The following YTHDC1 variants were observed in gnomAD, a reference collection of about 807,000 sequenced individuals.
YTHDC1 encodes YTH domain-containing protein 1.
In YTHDC1, 12 loss-of-function variants were observed where a neutral mutation model predicts 107.0. The observed-to-expected ratio is 0.11, with a 90% confidence interval of 0.07 to 0.18. The LOEUF is 0.18. YTHDC1 is among the 10% of genes least tolerant of loss of function. The probability of loss-of-function intolerance (pLI) is 1.00; values close to 1 mark genes in which losing one functional copy is unlikely to be tolerated. For synonymous variants in YTHDC1, 280 were observed against 289.5 expected, an observed-to-expected ratio of 0.97 and a Z score of 0.33; for missense variants, 635 against 898.8, an observed-to-expected ratio of 0.71 and a Z score of 3.75.
intron 5 of YTHDC1, 21 bp downstream of exon 5, chr4:68,333,287 A>G: frequency 6.3e-7 from 1 of 1,581,046 alleles, no homozygotes; most frequent in Non-Finnish European, 8.6e-7. Flanking sequence ...CAAGTCAGAT[A>G]TGATCACAAA....
At chr4:68,345,813 A>C (rs1337310211) in intron 1 of YTHDC1, among the ~76,000 whole-genome samples, 1 of 152,092 alleles carries the variant, frequency 6.6e-6, no homozygotes, top group East Asian at 1.9e-4. Context: ...TGGCACAGTC[A>C]TCATTTTGAT....
intron 1 of YTHDC1, among the ~76,000 whole-genome samples, chr4:68,349,369 G>A (rs974510654): frequency 2.6e-5 from 4 of 152,140 alleles, no homozygotes; most frequent in Non-Finnish European, 4.4e-5. Flanking sequence ...AACAGAAATG[G>A]TTGTCCTGAA....
intron 1 of YTHDC1, among the ~76,000 whole-genome samples, chr4:68,346,536 C>T (rs941181656): frequency 4.6e-5 from 7 of 152,092 alleles, no homozygotes; most frequent in Admixed American, 2.0e-4. Context: ...TTAAATTGTG[C>T]GCTAAGTAGT....
chr4:68,342,967 CTATA>C (rs1725012931), intron 1 of YTHDC1, among the ~76,000 whole-genome samples: 1 of 152,068 alleles, frequency 6.6e-6, no homozygotes, highest in Non-Finnish European at 1.5e-5. Flanking sequence ...TATTGATATT[CTATA>C]TAGAGATATG....
intron 10 of YTHDC1, among the ~76,000 whole-genome samples, chr4:68,323,582 C>G (rs575308782): frequency 1.1e-4 from 16 of 152,022 alleles, no homozygotes; most frequent in African/African-American, 3.6e-4. Flanking sequence ...CAAAAATTAG[C>G]CACTCTCGTA....
chr4:68,311,140 T>G lies in YTHDC1; in HGVS notation c.*2959A>C, dbSNP rs1471197272. The G allele has an allele frequency of 6.6e-6, 1 of 152,168 alleles. No individual in the cohort carries two copies. Among genetic ancestry groups the G allele is most frequent in the Non-Finnish European group, 1.5e-5 (1 of 68,032 alleles). The allele number at this position is 152,168 out of a possible 1,614,324, so 9.4% of individuals were successfully genotyped here. A position where few individuals can be genotyped will look rare whatever the true frequency, so the allele number is the denominator to read the frequency against. On this transcript the variant is annotated 3_prime_UTR_variant, in exon 17 of 17. Coordinates refer to ENST00000344157, the MANE Select transcript of YTHDC1 (RefSeq NM_001031732.4). ...ACCCCATTTCCTTGGAAATACAGAT[T>G]GGATTACGGCTGGCTCCAAAACCAA...
intron 1 of YTHDC1, among the ~76,000 whole-genome samples, chr4:68,344,985 C>T (rs979352646): frequency 7.9e-5 from 12 of 152,230 alleles, no homozygotes; most frequent in East Asian, 1.9e-4. Flanking sequence ...GAGCCCTGAT[C>T]GCACTACTGC....
chr4:68,336,882 A>G lies in YTHDC1; in HGVS notation c.883+145T>C, dbSNP rs28758556. ...TATCCAAGATTATTCAAATGTATTTATAACATTCAAAAGCATATAAAGGAT... is the reference window on the plus strand; with the variant it reads ...TATCCAAGATTATTCAAATGTATTTGTAACATTCAAAAGCATATAAAGGAT... On this transcript the variant is annotated intron_variant, in intron 4 of 16. Transcript: ENST00000344157. 12 of 1,167,534 alleles carry G rather than the reference A, an allele frequency of 1.0e-5. No homozygotes were observed. The East Asian group carries it at 1.0e-4, about 10-fold the overall frequency. 72.3% of individuals were successfully genotyped at this position (1,167,534 alleles called of 1,614,324 possible).
intron 1 of YTHDC1, among the ~76,000 whole-genome samples, chr4:68,348,329 C>G (rs534681063): frequency 6.6e-6 from 1 of 152,262 alleles, no homozygotes; most frequent in East Asian, 1.9e-4. Context: ...ATCCACAGTT[C>G]ATAAATTAGA....
chr4:68,314,355 CA>C (rs777069676), intron 16 of YTHDC1, 32 bp from the exon 17 acceptor site: 7 of 1,602,932 alleles, frequency 4.4e-6, no homozygotes, highest in Non-Finnish European at 6.0e-6. Flanking sequence ...TTAGGTATGT[CA>C]AAAAGGCAAA....
At chr4:68,336,859 T>A (rs1414843249) in intron 4 of YTHDC1, among the ~76,000 whole-genome samples, 168 bp downstream of exon 4, 1 of 152,192 alleles carries the variant, frequency 6.6e-6, no homozygotes. Flanking sequence ...GTAAATCTTA[T>A]CCAAGATTAT....
intron 9 of YTHDC1, among the ~76,000 whole-genome samples, chr4:68,328,488 C>T (rs966298246): frequency 6.6e-5 from 10 of 152,182 alleles, no homozygotes; most frequent in African/African-American, 2.4e-4. Flanking sequence ...ACAGTCTCAC[C>T]ACCTAACACT....
At chr4:68,341,263 C>T (rs1724773009) in intron 1 of YTHDC1, among the ~76,000 whole-genome samples, 1 of 152,068 alleles carries the variant, frequency 6.6e-6, no homozygotes. Context: ...ATAAAAGCAA[C>T]TTTAACCAAA....
intron 9 of YTHDC1, among the ~76,000 whole-genome samples, chr4:68,329,226 T>C (rs1723317395): frequency 6.6e-6 from 1 of 152,116 alleles, no homozygotes; most frequent in Non-Finnish European, 1.5e-5. Flanking sequence ...CACACATCCA[T>C]ATGCCCTCCC....
intron 9 of YTHDC1, among the ~76,000 whole-genome samples, chr4:68,326,075 A>G (rs959721813): frequency 6.6e-6 from 1 of 152,154 alleles, no homozygotes; most frequent in Non-Finnish European, 1.5e-5. Context: ...AGTTTAAAAC[A>G]GTTATAGGAA....
chr4:68,333,213 A>C, intron 5 of YTHDC1, 95 bp downstream of exon 5: 1 of 871,560 alleles, frequency 1.1e-6, no homozygotes, highest in Non-Finnish European at 1.8e-6. Flanking sequence ...GTGCTAATGG[A>C]CATCAACAAG....
In YTHDC1 at chr4:68,312,947, A is replaced by G. The variant is rs1182142175; in HGVS notation, c.*1152T>C. The G allele has an allele frequency of 2.6e-5, 4 of 152,234 alleles. No individual in the cohort carries two copies. The highest frequency in any genetic ancestry group is 4.4e-5 in the Non-Finnish European group (3 of 68,036). The allele number at this position is 152,234 out of a possible 1,614,324, so 9.4% of individuals were successfully genotyped here. ...GAGAACTGGACAGTTAACTTAAAAT[A>G]CAGAACTAATACAAGAGGGTTAAAA... On this transcript the variant is annotated 3_prime_UTR_variant, in exon 17 of 17. Coordinates refer to ENST00000344157, the MANE Select transcript of YTHDC1 (RefSeq NM_001031732.4).
rs146901328 is a variant in YTHDC1, at chr4:68,326,432, CAT to C, written c.1350-2211_1350-2210del. Among the ~76,000 whole-genome samples, 476 of 152,250 alleles carry C rather than the reference CAT, an allele frequency of 3.1e-3. 2 individuals are homozygous for C. The highest frequency in any genetic ancestry group is 0.011 in the African/African-American group (449 of 41,532). ...TTATCCTTTCTTCTCAGATCACAAT[CAT>C]AGAACAAGCAACCTAACAGTTACCT... On this transcript the variant is annotated intron_variant, in intron 9 of 16. Transcript: ENST00000344157.
Position 68,310,456 on chromosome 4 carries a change from A to G in YTHDC1, c.*3643T>C, listed in dbSNP as rs1198603968. 6.6e-6 allele frequency: 1 copy of G among 152,218 alleles called. No homozygotes were observed. Among genetic ancestry groups the G allele is most frequent in the Non-Finnish European group, 1.5e-5 (1 of 68,034 alleles). 9.4% of individuals were successfully genotyped at this position (152,218 alleles called of 1,614,324 possible). A position where few individuals can be genotyped will look rare whatever the true frequency, so the allele number is the denominator to read the frequency against. ...ATAGTCAATAATCTATATTTAAGAC[A>G]CAGAAGAAACTGAAAGTGTAAGATT... On this transcript the variant is annotated 3_prime_UTR_variant, in exon 17 of 17. Coordinates refer to ENST00000344157, the MANE Select transcript of YTHDC1 (RefSeq NM_001031732.4).
Sources: gnomAD v4.1 joint callset for allele counts (sites outside exome capture counted in the v4.1 genomes callset) on GRCh38, gnomAD v4.1.1 for gene constraint, MANE v1.5 for transcripts, NCBI Gene and HGNC (gene_info 2026-07-23, HGNC 2026-07-21) for gene names.